Variants in SUPT20H observed in about 807,000 individuals in gnomAD.
SUPT20H encodes transcription factor SPT20 homolog.
A neutral mutation model predicts 122.8 loss-of-function variants in SUPT20H; 82 were observed. That is an observed-to-expected ratio of 0.67 (90% CI 0.56 to 0.80). SUPT20H has a LOEUF of 0.80. SUPT20H is among the 30% of genes least tolerant of loss of function. The pLI is 0.00. For missense variants in SUPT20H, 831 were observed against 921.6 expected, an observed-to-expected ratio of 0.90 and a Z score of 1.27; for synonymous variants, 291 against 313.0, an observed-to-expected ratio of 0.93 and a Z score of 0.74.
At chr13:37,051,434 G>A (rs899750772) in intron 2 of SUPT20H, 54 bp downstream of exon 2, 101 of 1,543,404 alleles carry the variant, frequency 6.5e-5, no homozygotes, top group Non-Finnish European at 7.1e-5. Context: ...TTATGAAGAT[G>A]AAGGAAGAGA....
At chr13:37,019,437 T>G (rs1371247233) in intron 21 of SUPT20H, 40 bp from the exon 22 acceptor site, 1 of 1,405,582 alleles carries the variant, frequency 7.1e-7, no homozygotes, top group Non-Finnish European at 9.8e-7. Flanking sequence ...AATTGAAAGT[T>G]TATTACACAT....
At chr13:37,016,322 C>T (rs952030912) in intron 23 of SUPT20H, among the ~76,000 whole-genome samples, 4 of 151,386 alleles carry the variant, frequency 2.6e-5, no homozygotes, top group African/African-American at 7.3e-5. Context: ...GACAGCTACT[C>T]GGGAGGCTGA....
chr13:37,012,169 T>C (rs2059730826), intron 24 of SUPT20H, 23 bp downstream of exon 24: 2 of 1,558,044 alleles, frequency 1.3e-6, no homozygotes, highest in African/African-American at 1.4e-5. Flanking sequence ...AAATTCAGCA[T>C]ATAAAGTTAT....
At chr13:37,012,365 C>T in intron 23 of SUPT20H, 68 bp from the exon 24 acceptor site, 2 of 1,314,220 alleles carry the variant, frequency 1.5e-6, no homozygotes, top group Non-Finnish European at 2.2e-6. Flanking sequence ...GAAAAGAAAT[C>T]AGTATTTTTT....
At chr13:37,040,724 T>C (rs377268029) in intron 7 of SUPT20H, 32 bp from the exon 8 acceptor site, 1 of 1,569,924 alleles carries the variant, frequency 6.4e-7, no homozygotes, top group African/African-American at 1.4e-5. Flanking sequence ...AACGTCATTT[T>C]TTTTTCCAAA....
chr13:37,015,451 A>C (rs1300595884), intron 23 of SUPT20H, among the ~76,000 whole-genome samples: 3 of 151,512 alleles, frequency 2.0e-5, no homozygotes, highest in Admixed American at 1.3e-4. Context: ...CAATGGGATT[A>C]TCACCTCACA....
intron 9 of SUPT20H, among the ~76,000 whole-genome samples, chr13:37,035,622 G>C (rs563317668): frequency 1.2e-4 from 18 of 151,840 alleles, no homozygotes; most frequent in African/African-American, 4.1e-4. Context: ...CTGGGTTCAA[G>C]CAATTCTTGA....
At position 37,031,886 on chromosome 13, in the gene SUPT20H, C is replaced by G; in HGVS notation, c.717G>C (p.Lys239Asn). Residue 239 changes from lysine to asparagine, a missense_variant, in exon 11 of 26, where the codon AAG becomes AAC. Lys to Asn is a moderately conservative substitution (Grantham distance 94, BLOSUM62 0). Transcript: ENST00000350612. ...GATTCAGAGAGGATCTGGAATACCT[C>G]TTGAAACACCTGAAATATTAAGAAA... is the stretch of plus-strand genomic sequence containing the variant. ...MNTRPMKRCF[K>N]RYSRSSLNRQ... is the part of the protein sequence containing the mutation. 6.3e-7 allele frequency: 1 copy of G among 1,578,806 alleles called. No individual in the cohort carries two copies. Among genetic ancestry groups the G allele is most frequent in the East Asian group, 2.3e-5 (1 of 44,292 alleles).
chr13:37,023,877 A>G (rs546600231), intron 19 of SUPT20H, 158 bp downstream of exon 19: 10 of 636,278 alleles, frequency 1.6e-5, no homozygotes, highest in Non-Finnish European at 2.5e-5. Flanking sequence ...AATACATACA[A>G]TCAACAAGAG....
At chr13:37,025,851 G>T in intron 16 of SUPT20H, 1 of 212,288 alleles carries the variant, frequency 4.7e-6, no homozygotes, top group Non-Finnish European at 9.2e-6. Flanking sequence ...CATTTCTTTT[G>T]TTTTCTTAAT....
chr13:37,033,656 C>T, intron 9 of SUPT20H, 68 bp from the exon 10 acceptor site: 1 of 1,491,200 alleles, frequency 6.7e-7, no homozygotes, highest in Non-Finnish European at 9.1e-7. Context: ...ATATATTGCA[C>T]TTAATCTAGA....
At chr13:37,047,496 C>T (rs1420035365) in intron 5 of SUPT20H, 39 bp downstream of exon 5, 16 of 1,398,178 alleles carry the variant, frequency 1.1e-5, no homozygotes, top group Non-Finnish European at 1.4e-5. Flanking sequence ...CTCTCTTCTA[C>T]ATTTCAAAAG....
intron 17 of SUPT20H, 147 bp downstream of exon 17, chr13:37,025,173 C>A (rs1301066390): frequency 2.0e-5 from 14 of 683,548 alleles, no homozygotes; most frequent in Non-Finnish European, 3.7e-5. Context: ...AACTCCCGAC[C>A]TCAGGTGATC....
chr13:37,049,100 T>C (rs2067092629), intron 2 of SUPT20H, among the ~76,000 whole-genome samples: 1 of 152,136 alleles, frequency 6.6e-6, no homozygotes, highest in Non-Finnish European at 1.5e-5. Context: ...AAAGAATAAA[T>C]GATGGCTATC....
intron 24 of SUPT20H, among the ~76,000 whole-genome samples, chr13:37,011,809 A>G (rs1354173708): frequency 1.3e-5 from 2 of 152,208 alleles, no homozygotes; most frequent in Admixed American, 6.5e-5. Context: ...TGCAACTACA[A>G]GTTACCAGAA....
chr13:37,015,782 T>A (rs538409203), intron 23 of SUPT20H, among the ~76,000 whole-genome samples: 2 of 152,340 alleles, frequency 1.3e-5, no homozygotes, highest in South Asian at 4.1e-4. Context: ...GATACCCAAG[T>A]ATCCATCAGT....
chr13:37,018,771 C>T (rs755813835), intron 22 of SUPT20H, among the ~76,000 whole-genome samples: 1 of 152,112 alleles, frequency 6.6e-6, no homozygotes, highest in Non-Finnish European at 1.5e-5. Flanking sequence ...ATCCTCCGAC[C>T]TCAGCCTCTT....
chr13:37,023,077 C>T (rs1352628655), intron 19 of SUPT20H: 2 of 1,275,770 alleles, frequency 1.6e-6, no homozygotes, highest in Admixed American at 2.4e-5. Flanking sequence ...TGTGAATGTC[C>T]AGAAGCTGTC....
intron 25 of SUPT20H, 130 bp downstream of exon 25, chr13:37,010,422 T>C (rs556373426): frequency 1.0e-4 from 80 of 767,160 alleles, no homozygotes; most frequent in Admixed American, 3.2e-4. Context: ...ACTTTAAAAT[T>C]TGCTAAATTA....
Sources: allele counts gnomAD v4.1 joint callset (sites outside exome capture counted in the v4.1 genomes callset), GRCh38; gene constraint gnomAD v4.1.1; transcripts MANE v1.5; gene names NCBI Gene and HGNC (gene_info 2026-07-23, HGNC 2026-07-21).